GPBP1L1: variants seen among roughly 807,000 people sequenced by gnomAD.
The protein encoded by GPBP1L1 is GC-rich promoter binding protein 1 like 1.
A neutral mutation model predicts 52.5 loss-of-function variants in GPBP1L1; 23 were observed. The ratio of observed to expected loss-of-function variants is 0.44; its 90% CI spans 0.32 to 0.62. The LOEUF (loss-of-function observed/expected upper bound fraction) is 0.62, where lower values mean the gene tolerates loss of function less well. Among genes scored for constraint, GPBP1L1 ranks in the 20% least tolerant of loss-of-function variants. GPBP1L1 has a pLI of 0.06. For missense variants in GPBP1L1, 596 were observed against 579.3 expected, an observed-to-expected ratio of 1.03 and a Z score of -0.30; for synonymous variants, 243 against 203.1, an observed-to-expected ratio of 1.20 and a Z score of -1.67.
chr1:45,676,769 CTTGGGAAGCTGAA>C (rs1645144568), intron 2 of GPBP1L1, among the ~76,000 whole-genome samples: 1 of 150,132 alleles, frequency 6.7e-6, no homozygotes, highest in African/African-American at 2.5e-5. Flanking sequence ...GTCCCAGCTA[CTTGGGAAGCTGAA>C]GTGGGAGGAT....
chr1:45,647,417 T>A (rs1644763510), intron 6 of GPBP1L1, among the ~76,000 whole-genome samples: 1 of 152,214 alleles, frequency 6.6e-6, no homozygotes, highest in African/African-American at 2.4e-5. Context: ...TGGAAGGGTA[T>A]AGTGGCCAGC....
rs1447993392 is a variant in GPBP1L1, at chr1:45,655,229, C to T, written c.151G>A (p.Asp51Asn). ...AGGGGACCATTGTTAAAAAAACCAT[C>T]AGAGGAATTATGTCGACGGCGGCTT... ...GVSRRRHNSS[D>N]GFFNNGPLRT... The change falls in exon 5 of 13, where the codon GAT becomes AAT. Residue 51 changes from aspartate to asparagine, a missense_variant. Asp to Asn is a conservative substitution (Grantham distance 23). Transcript: ENST00000355105. 2.8e-5 allele frequency: 45 copies of T among 1,614,030 alleles called. No individual in the cohort carries two copies. The highest frequency in any genetic ancestry group is 3.8e-5 in the Non-Finnish European group (45 of 1,180,020).
At chr1:45,664,450 C>G (rs990160038) in intron 2 of GPBP1L1, among the ~76,000 whole-genome samples, 2 of 151,902 alleles carry the variant, frequency 1.3e-5, no homozygotes, top group African/African-American at 4.8e-5. Flanking sequence ...CATGTAGTTC[C>G]AGCTACTACG....
chr1:45,670,549 TAGTTTTA>T (rs11278891), intron 2 of GPBP1L1, among the ~76,000 whole-genome samples: 42,625 of 151,622 alleles, frequency 0.28, 6,037 homozygotes, highest in South Asian at 0.36. Flanking sequence ...ATTGACTTCT[TAGTTTTA>T]AGTTTTGTCT....
chr1:45,660,083 G>T, intron 3 of GPBP1L1, 101 bp downstream of exon 3: 1 of 681,990 alleles, frequency 1.5e-6, no homozygotes, highest in Non-Finnish European at 1.8e-6. Flanking sequence ...CCACCCCACT[G>T]ATATTCTCCA....
chr1:45,642,652 A>T (rs1644688791), intron 6 of GPBP1L1, among the ~76,000 whole-genome samples, 153 bp from the exon 7 acceptor site: 2 of 152,252 alleles, frequency 1.3e-5, no homozygotes, highest in African/African-American at 2.4e-5. Flanking sequence ...GAAACGTAAC[A>T]AACAGAAAAT....
In GPBP1L1 at chr1:45,646,546, T is replaced by G; in HGVS notation, c.478-4047A>C. The stretch of plus-strand genomic sequence containing the variant: ...TGTATTTCAGAAAAATGTTCCTGAA[T>G]TATACTTTTCAGTATTTTTTTTTTT... On this transcript the variant is annotated intron_variant, in intron 6 of 12. Coordinates refer to ENST00000355105, the MANE Select transcript of GPBP1L1 (RefSeq NM_021639.5). Among the ~76,000 whole-genome samples the G allele has an allele frequency of 2.6e-5, 4 of 152,122 alleles. No individual in the cohort carries two copies. The Middle Eastern group carries it at 0.01, about 388-fold the overall frequency.
In GPBP1L1 at chr1:45,660,897, C is replaced by G. The variant is rs554169605; in HGVS notation, c.-769G>C. 8 of 152,278 alleles carry G rather than the reference C, an allele frequency of 5.3e-5. No individual in the cohort carries two copies. Among genetic ancestry groups the G allele is most frequent in the African/African-American group, 1.9e-4 (8 of 41,552 alleles). The allele number at this position is 152,278 out of a possible 1,614,324, so 9.4% of individuals were successfully genotyped here. On this transcript the variant is annotated 5_prime_UTR_variant, in exon 3 of 13. Coordinates refer to ENST00000355105, the MANE Select transcript of GPBP1L1 (RefSeq NM_021639.5). ...TTTTCCCTCCACGAACAGCAGCTTT[C>G]AAGGCAAATTTCTTGGTATAAAGCT...
rs376923638 is a variant in GPBP1L1 at position 45,629,688 on chromosome 1, G to A, written c.1170-10C>T. The A allele has an allele frequency of 1.8e-5, 28 of 1,526,354 alleles. No individual in the cohort carries two copies. The highest frequency in any genetic ancestry group is 1.6e-4 in the East Asian group (7 of 44,400). The allele number at this position is 1,526,354 out of a possible 1,614,324, so 94.6% of individuals were successfully genotyped here. ...CATAGCTTTCAATAACCTGGTGGAC[G>A]CAGAAGGACAGGTAAAGAGAATACA... On this transcript the variant is annotated splice_polypyrimidine_tract_variant and intron_variant, in intron 11 of 12. Coordinates refer to ENST00000355105, the MANE Select transcript of GPBP1L1 (RefSeq NM_021639.5).
intron 2 of GPBP1L1, among the ~76,000 whole-genome samples, chr1:45,680,837 G>T (rs1013641228): frequency 1.3e-5 from 2 of 152,048 alleles, no homozygotes; most frequent in African/African-American, 2.4e-5. Flanking sequence ...AAAGAATAGT[G>T]CCTAGCCTAC....
chr1:45,645,063 T>C (rs1286302139), intron 6 of GPBP1L1, among the ~76,000 whole-genome samples: 1 of 152,210 alleles, frequency 6.6e-6, no homozygotes. Flanking sequence ...GTTTGGCCTA[T>C]GGAACCCTCT....
intron 8 of GPBP1L1, among the ~76,000 whole-genome samples, chr1:45,639,469 A>G (rs1226987291): frequency 6.6e-6 from 1 of 151,492 alleles, no homozygotes; most frequent in African/African-American, 2.4e-5. Flanking sequence ...GCTCACGCCC[A>G]TAATCTCAGC....
At chr1:45,674,781 G>A (rs138136438) in intron 2 of GPBP1L1, among the ~76,000 whole-genome samples, 3 of 152,318 alleles carry the variant, frequency 2.0e-5, no homozygotes, top group African/African-American at 7.2e-5. Context: ...TTCTGAAAAC[G>A]TGTAAGGTAG....
At position 45,627,378 on chromosome 1, in the gene GPBP1L1, G is replaced by T. The variant is rs914877791; in HGVS notation, c.*878C>A. On this transcript the variant is annotated 3_prime_UTR_variant, in exon 13 of 13. Transcript: ENST00000355105. ...TCAAAAAAGTATCTGCTAAAATAGAGAAACAGTTGTGTCTGAATTCACATT... is the reference window on the plus strand; with the variant it reads ...TCAAAAAAGTATCTGCTAAAATAGATAAACAGTTGTGTCTGAATTCACATT... 7.2e-6 allele frequency: 1 copy of T among 139,106 alleles called. No homozygotes were observed. Among genetic ancestry groups the T allele is most frequent in the Non-Finnish European group, 1.6e-5 (1 of 62,086 alleles). 8.6% of individuals were successfully genotyped at this position (139,106 alleles called of 1,614,324 possible). A position where few individuals can be genotyped will look rare whatever the true frequency, so the allele number is the denominator to read the frequency against.
intron 6 of GPBP1L1, among the ~76,000 whole-genome samples, chr1:45,649,155 G>C (rs1644789938): frequency 6.6e-6 from 1 of 152,192 alleles, no homozygotes; most frequent in Non-Finnish European, 1.5e-5. Flanking sequence ...TGCTCAACCT[G>C]TATTAATATT....
rs559018596 is a variant in GPBP1L1, at chr1:45,646,805, C to G, written c.478-4306G>C. ...ATCTCCTGACCTCGTGATCTGCCCC[C>G]CTCGGCCTCCCAAACTGCTGGGATT... On this transcript the variant is annotated intron_variant, in intron 6 of 12. Transcript: ENST00000355105. 5.3e-5 allele frequency among the ~76,000 whole-genome samples: 8 copies of G among 152,242 alleles called. No homozygotes were observed. The South Asian group carries it at 1.0e-3, about 20-fold the overall frequency.
intron 7 of GPBP1L1, 120 bp downstream of exon 7, chr1:45,642,307 A>G (rs554393588): frequency 1.4e-6 from 1 of 722,766 alleles, no homozygotes; most frequent in South Asian, 1.7e-5. Context: ...GATGTTAGTT[A>G]CCATGGGCAA....
intron 2 of GPBP1L1, among the ~76,000 whole-genome samples, chr1:45,682,924 A>G (rs1325350789): frequency 6.6e-6 from 1 of 152,198 alleles, no homozygotes; most frequent in Non-Finnish European, 1.5e-5. Flanking sequence ...TAACTTGGGC[A>G]ATTAGGTCTC....
intron 7 of GPBP1L1, among the ~76,000 whole-genome samples, chr1:45,640,904 G>C (rs1397638389): frequency 6.6e-6 from 1 of 152,132 alleles, no homozygotes; most frequent in South Asian, 2.1e-4. Context: ...TGTGGTCCCA[G>C]CTACTTAGGA....
Sources: allele counts gnomAD v4.1 joint callset (sites outside exome capture counted in the v4.1 genomes callset), GRCh38; gene constraint gnomAD v4.1.1; transcripts MANE v1.5; gene names NCBI Gene and HGNC (gene_info 2026-07-23, HGNC 2026-07-21).